Variants in CDH13 observed in about 807,000 individuals in gnomAD.
CDH13 encodes the protein cadherin 13.
In CDH13, 24 loss-of-function variants were observed where a neutral mutation model predicts 63.8. That is an observed-to-expected ratio of 0.38 (90% CI 0.27 to 0.53). The LOEUF (loss-of-function observed/expected upper bound fraction) is 0.53. CDH13 is among the 20% of genes least tolerant of loss of function. CDH13 has a pLI of 0.85. For synonymous variants in CDH13, 503 were observed against 355.3 expected, an observed-to-expected ratio of 1.42 and a Z score of -4.67; for missense variants, 1,049 against 903.1, an observed-to-expected ratio of 1.16 and a Z score of -2.07.
intron 6 of CDH13, among the ~76,000 whole-genome samples, chr16:83,430,491 A>T (rs1173745959): frequency 1.3e-5 from 2 of 152,236 alleles, no homozygotes; most frequent in African/African-American, 4.8e-5. Context: ...ATTACAAATA[A>T]TAGACTCCCT....
At chr16:83,492,651 A>G (rs539730957) in intron 7 of CDH13, among the ~76,000 whole-genome samples, 2 of 152,368 alleles carry the variant, frequency 1.3e-5, no homozygotes, top group South Asian at 4.1e-4. Flanking sequence ...CAGCAAATAA[A>G]GTAGAATAGG....
chr16:83,572,392 C>T (rs992541733), intron 7 of CDH13, among the ~76,000 whole-genome samples: 1 of 152,142 alleles, frequency 6.6e-6, no homozygotes, highest in Non-Finnish European at 1.5e-5. Context: ...CTACCCATCT[C>T]GGCCTCACAA....
At chr16:83,556,789 G>A (rs1272675040) in intron 7 of CDH13, among the ~76,000 whole-genome samples, 1 of 152,136 alleles carries the variant, frequency 6.6e-6, no homozygotes, top group Non-Finnish European at 1.5e-5. Flanking sequence ...CACACTTCAC[G>A]CCACACTTAG....
chr16:83,369,940 C>G (rs1243860908), intron 6 of CDH13, among the ~76,000 whole-genome samples: 1 of 152,202 alleles, frequency 6.6e-6, no homozygotes, highest in Non-Finnish European at 1.5e-5. Flanking sequence ...GACCTTGTCC[C>G]TAGACTCCCA....
chr16:82,659,621 C>G (rs951523367), intron 1 of CDH13, among the ~76,000 whole-genome samples: 1 of 152,144 alleles, frequency 6.6e-6, no homozygotes, highest in African/African-American at 2.4e-5. Flanking sequence ...AAATATAATA[C>G]CACGTCCACA....
intron 1 of CDH13, among the ~76,000 whole-genome samples, chr16:82,722,041 G>A (rs1164443852): frequency 6.6e-6 from 1 of 152,206 alleles, no homozygotes; most frequent in Non-Finnish European, 1.5e-5. Context: ...TCGGGAGGCA[G>A]GGATGGGATT....
At chr16:83,635,852 T>C (rs913853887) in intron 8 of CDH13, among the ~76,000 whole-genome samples, 10 of 152,228 alleles carry the variant, frequency 6.6e-5, no homozygotes, top group African/African-American at 2.4e-4. Flanking sequence ...ATTGTGCTTT[T>C]GGTGTCAACT....
intron 7 of CDH13, among the ~76,000 whole-genome samples, chr16:83,519,729 C>G (rs901248105): frequency 6.6e-6 from 1 of 151,932 alleles, no homozygotes; most frequent in Non-Finnish European, 1.5e-5. Context: ...GGCAATGGTG[C>G]GGGGAGAGGA....
intron 1 of CDH13, among the ~76,000 whole-genome samples, chr16:82,842,016 G>C (rs954145217): frequency 6.7e-6 from 1 of 148,966 alleles, no homozygotes; most frequent in Non-Finnish European, 1.5e-5. Flanking sequence ...ATGCCCTTGG[G>C]TACCCCTCAC....
chr16:83,199,807 C>A (rs2038973316), intron 4 of CDH13, among the ~76,000 whole-genome samples: 1 of 152,062 alleles, frequency 6.6e-6, no homozygotes. Flanking sequence ...TCTATTATTC[C>A]CAATCAACAG....
chr16:83,746,382 A>G (rs1171005617), intron 10 of CDH13, among the ~76,000 whole-genome samples: 1 of 152,112 alleles, frequency 6.6e-6, no homozygotes, highest in East Asian at 1.9e-4. Context: ...CCCCCTGAGG[A>G]CACTTCTGAT....
chr16:83,305,017 TC>T (rs953976311), intron 5 of CDH13, among the ~76,000 whole-genome samples: 77 of 152,316 alleles, frequency 5.1e-4, no homozygotes, highest in African/African-American at 1.8e-3. Flanking sequence ...ATATACGCAT[TC>T]CCCACAGACC....
intron 1 of CDH13, among the ~76,000 whole-genome samples, chr16:82,818,604 A>T (rs1044004681): frequency 1.3e-5 from 2 of 152,212 alleles, no homozygotes; most frequent in African/African-American, 4.8e-5. Context: ...TTTCATTTAA[A>T]GTTATGATAG....
At chr16:83,173,239 T>C (rs547003773) in intron 4 of CDH13, among the ~76,000 whole-genome samples, 1 of 152,162 alleles carries the variant, frequency 6.6e-6, no homozygotes, top group Non-Finnish European at 1.5e-5. Context: ...GAATCCAGCG[T>C]TTGAACTCAG....
intron 5 of CDH13, among the ~76,000 whole-genome samples, chr16:83,221,358 C>G (rs1375756588): frequency 6.6e-6 from 1 of 152,096 alleles, no homozygotes; most frequent in African/African-American, 2.4e-5. Flanking sequence ...CAAAGTAGCA[C>G]CTGGCAAAAT....
At chr16:82,685,161 T>A (rs1033893174) in intron 1 of CDH13, among the ~76,000 whole-genome samples, 4 of 152,222 alleles carry the variant, frequency 2.6e-5, no homozygotes, top group African/African-American at 9.6e-5. Flanking sequence ...GATCTTAATC[T>A]GTTTGAGCTG....
intron 6 of CDH13, among the ~76,000 whole-genome samples, chr16:83,416,500 A>T (rs752595004): frequency 6.6e-6 from 1 of 152,180 alleles, no homozygotes; most frequent in South Asian, 2.1e-4. Context: ...CTCATGTTTA[A>T]GTATCTCCCA....
intron 1 of CDH13, among the ~76,000 whole-genome samples, chr16:82,678,878 C>T (rs1457768901): frequency 6.6e-6 from 1 of 152,182 alleles, no homozygotes; most frequent in Non-Finnish European, 1.5e-5. Flanking sequence ...CCTGACATAG[C>T]CTGCCCTCAG....
chr16:82,780,341 C>G (rs2035695035), intron 1 of CDH13, among the ~76,000 whole-genome samples: 2 of 152,134 alleles, frequency 1.3e-5, no homozygotes, highest in South Asian at 4.2e-4. Context: ...CTCTCCCTTG[C>G]TCTCTGATAA....
Sources: allele counts gnomAD v4.1 joint callset (sites outside exome capture counted in the v4.1 genomes callset), GRCh38; gene constraint gnomAD v4.1.1; transcripts MANE v1.5; gene names NCBI Gene and HGNC (gene_info 2026-07-23, HGNC 2026-07-21).